The following CAST variants were observed in gnomAD, a reference collection of about 807,000 sequenced individuals.
The protein encoded by CAST is MIR583 host.
In CAST, 76 loss-of-function variants were observed where a neutral mutation model predicts 119.6. The ratio of observed to expected loss-of-function variants is 0.64; its 90% CI spans 0.53 to 0.77. CAST has a LOEUF of 0.77. Ranked by LOEUF, CAST falls within the 30% of genes least tolerant of loss-of-function variation. CAST has a pLI of 0.00. For synonymous variants in CAST, 319 were observed against 331.6 expected (o/e 0.96, Z 0.41); for missense variants, 953 against 946.5 (o/e 1.01, Z -0.09).
chr5:96,664,985 G>A (rs746219525), intron 1 of CAST, among the ~76,000 whole-genome samples: 2 of 152,182 alleles, frequency 1.3e-5, no homozygotes, highest in East Asian at 1.9e-4. Flanking sequence ...TTCTCTCAAG[G>A]AAACTCTGCT....
the CAST span, chr5:96,393,471 C>A: frequency 9.3e-5 from 134 of 1,440,910 alleles, 1 homozygote; most frequent in East Asian, 1.3e-3. Context: ...ACGCTGCCTG[C>A]CGCTTGAGAG....
chr5:96,380,761 T>TA, the CAST span, among the ~76,000 whole-genome samples: 516 of 152,326 alleles, frequency 3.4e-3, 2 homozygotes, highest in South Asian at 6.8e-3. Flanking sequence ...TAATGCATTT[T>TA]AAAAAATTAT....
At chr5:96,526,151 A>G (rs983825331), upstream of CAST, among the ~76,000 whole-genome samples, 2 of 152,234 alleles carry the variant, frequency 1.3e-5, no homozygotes, top group Non-Finnish European at 2.9e-5. Flanking sequence ...CTAAGAATTA[A>G]ATTAACATAA....
chr5:96,150,519 G>A, the CAST span, among the ~76,000 whole-genome samples: 1 of 152,180 alleles, frequency 6.6e-6, no homozygotes, highest in Non-Finnish European at 1.5e-5. Flanking sequence ...CCTGAATCTG[G>A]GGGACTTGGG....
At chr5:96,075,203 T>C in the CAST span, among the ~76,000 whole-genome samples, 1 of 152,238 alleles carries the variant, frequency 6.6e-6, no homozygotes, top group Admixed American at 6.5e-5. Context: ...TCTATATGTC[T>C]CTTAGTTCTC....
the CAST span, among the ~76,000 whole-genome samples, chr5:96,333,306 G>T: frequency 6.6e-6 from 1 of 151,814 alleles, no homozygotes; most frequent in African/African-American, 2.4e-5. Flanking sequence ...TTTTCTGCAC[G>T]GTCAGATGAG....
intron 3 of CAST, among the ~76,000 whole-genome samples, chr5:96,703,249 T>C (rs1754240835): frequency 6.6e-6 from 1 of 151,280 alleles, no homozygotes; most frequent in East Asian, 1.9e-4. Flanking sequence ...CCGAGACAAG[T>C]GGCCCAAAAG....
At chr5:96,533,064 T>C (rs1384772526) in intron 1 of CAST, among the ~76,000 whole-genome samples, 1 of 151,848 alleles carries the variant, frequency 6.6e-6, no homozygotes, top group Non-Finnish European at 1.5e-5. Flanking sequence ...AATAGAATCA[T>C]CTTCTTGCCG....
the CAST span, among the ~76,000 whole-genome samples, chr5:96,434,437 G>A: frequency 6.6e-6 from 1 of 152,178 alleles, no homozygotes; most frequent in Admixed American, 6.5e-5. Flanking sequence ...TTTGATATGT[G>A]CATTTCCCTC....
chr5:96,675,819 T>C lies in CAST; in HGVS notation c.138+218T>C, dbSNP rs555852975. On this transcript the variant is annotated intron_variant, in intron 2 of 31. Coordinates refer to ENST00000675179, the MANE Select transcript of CAST (RefSeq NM_001750.7). ...ATAGAGCCTGTATGAATACTTTCCC[T>C]TTAGTAATAGAACTTTGTTGCTTAG... The C allele has an allele frequency of 7.0e-4, 311 of 443,830 alleles. 2 individuals are homozygous for C. Among genetic ancestry groups the C allele is most frequent in the Middle Eastern group, 3.5e-3 (6 of 1,708 alleles). 27.5% of individuals were successfully genotyped at this position (443,830 alleles called of 1,614,324 possible).
chr5:96,626,481 C>T (rs548439086), intron 1 of CAST, among the ~76,000 whole-genome samples: 1 of 152,350 alleles, frequency 6.6e-6, no homozygotes, highest in South Asian at 2.1e-4. Context: ...CTCTTCCTCA[C>T]TTGGGCCTGC....
chr5:96,120,753 C>CAT, the CAST span, among the ~76,000 whole-genome samples: 33 of 147,514 alleles, frequency 2.2e-4, no homozygotes, highest in East Asian at 5.9e-4. Flanking sequence ...AATATACATA[C>CAT]ATATATATAT....
the CAST span, among the ~76,000 whole-genome samples, chr5:95,991,497 GTTTTTTTT>G: frequency 1.5e-5 from 1 of 64,958 alleles, no homozygotes; most frequent in African/African-American, 6.0e-5. Context: ...AACAAGTTTT[GTTTTTTTT>G]TTTTTTTTTT....
the CAST span, among the ~76,000 whole-genome samples, chr5:96,405,093 TG>T: frequency 6.6e-6 from 1 of 152,198 alleles, no homozygotes; most frequent in Non-Finnish European, 1.5e-5. Flanking sequence ...TATAGACAAT[TG>T]AATAGAGTTC....
the CAST span, among the ~76,000 whole-genome samples, chr5:96,505,764 G>A: frequency 6.6e-6 from 1 of 152,194 alleles, no homozygotes; most frequent in Non-Finnish European, 1.5e-5. Context: ...GGGTGCACAG[G>A]CCTTGTCAGT....
intron 1 of CAST, among the ~76,000 whole-genome samples, chr5:96,555,890 C>A (rs1226336822): frequency 6.6e-6 from 1 of 152,196 alleles, no homozygotes; most frequent in East Asian, 1.9e-4. Context: ...GTTCTCCCAG[C>A]ACGCAGCTGG....
the CAST span, among the ~76,000 whole-genome samples, chr5:96,205,498 C>G: frequency 1.3e-5 from 2 of 152,036 alleles, no homozygotes; most frequent in Non-Finnish European, 2.9e-5. Flanking sequence ...CTCCGTGTCT[C>G]TTGTTCCCTT....
At chr5:96,703,446 G>A (rs1754296596) in intron 3 of CAST, among the ~76,000 whole-genome samples, 1 of 152,196 alleles carries the variant, frequency 6.6e-6, no homozygotes, top group East Asian at 1.9e-4. Context: ...AACCTGTTTC[G>A]GTTCCATTTC....
At chr5:96,435,953 A>G in the CAST span, among the ~76,000 whole-genome samples, 40 of 152,354 alleles carry the variant, frequency 2.6e-4, no homozygotes, top group African/African-American at 9.6e-4. Context: ...TGTACCCAAT[A>G]TTTATCACAA....
Sources: allele counts gnomAD v4.1 joint callset (sites outside exome capture counted in the v4.1 genomes callset), GRCh38; gene constraint gnomAD v4.1.1; transcripts MANE v1.5; gene names NCBI Gene and HGNC (gene_info 2026-07-23, HGNC 2026-07-21).